The following PRKG1 variants were observed in gnomAD, a reference collection of about 807,000 sequenced individuals.
PRKG1 encodes protein kinase cGMP-dependent 1, also known as cGMP-dependent protein kinase 1.
PRKG1 carries 35 observed loss-of-function variants against 88.1 expected under a neutral mutation model. The ratio of observed to expected loss-of-function variants is 0.40; its 90% CI spans 0.30 to 0.53. The LOEUF (loss-of-function observed/expected upper bound fraction) is 0.53. Ranked by LOEUF, PRKG1 falls within the 20% of genes least tolerant of loss-of-function variation. The probability of loss-of-function intolerance (pLI) is 0.59; values close to 1 mark genes in which losing one functional copy is unlikely to be tolerated. For missense variants in PRKG1, 540 were observed against 839.8 expected (o/e 0.64, Z 4.41); for synonymous variants, 303 against 292.5 (o/e 1.04, Z -0.37).
At chr10:51,927,818 A>C (rs1842612147) in intron 5 of PRKG1, among the ~76,000 whole-genome samples, 1 of 152,140 alleles carries the variant, frequency 6.6e-6, no homozygotes, top group African/African-American at 2.4e-5. Context: ...TGTTATTCTA[A>C]AATTTTGGCA....
chr10:51,787,665 C>A (rs1838762433), intron 3 of PRKG1, among the ~76,000 whole-genome samples: 1 of 152,144 alleles, frequency 6.6e-6, no homozygotes, highest in African/African-American at 2.4e-5. Flanking sequence ...ATTTGACTAT[C>A]CCTGGTCTGC....
At chr10:52,111,071 G>A (rs765278582) in intron 7 of PRKG1, among the ~76,000 whole-genome samples, 10 of 152,076 alleles carry the variant, frequency 6.6e-5, no homozygotes, top group Non-Finnish European at 1.3e-4. Context: ...CATTTTTACC[G>A]ATAGGTAAAT....
rs373395975 is a variant in PRKG1, at chr10:52,148,689, G to A, written c.1002-13200G>A. On this transcript the variant is annotated intron_variant, in intron 8 of 17. Coordinates refer to ENST00000373980, the MANE Select transcript of PRKG1 (RefSeq NM_006258.4). Reference sequence around the variant, plus strand: ...AGCCCCTTAGTGGAGTGCCATGAGCGTCTATTGCATGACTGCAACCAGGGA... The same window carrying A: ...AGCCCCTTAGTGGAGTGCCATGAGCATCTATTGCATGACTGCAACCAGGGA... Among the ~76,000 whole-genome samples, 14 of 152,236 alleles carry A rather than the reference G, an allele frequency of 9.2e-5. No homozygotes were observed. The East Asian group carries it at 2.1e-3, about 23-fold the overall frequency.
chr10:51,978,436 CTTTTT>C (rs34946662), intron 5 of PRKG1, among the ~76,000 whole-genome samples: 5 of 134,312 alleles, frequency 3.7e-5, no homozygotes, highest in Admixed American at 7.3e-5. Flanking sequence ...CATTCGGGCT[CTTTTT>C]TTTTTTTTTT....
chr10:51,365,383 G>T (rs1842567881), intron 2 of PRKG1, among the ~76,000 whole-genome samples: 1 of 151,848 alleles, frequency 6.6e-6, no homozygotes, highest in Admixed American at 6.6e-5. Flanking sequence ...CCTGCACAAG[G>T]AATCAAATTA....
intron 3 of PRKG1, among the ~76,000 whole-genome samples, chr10:51,524,410 T>G (rs1841822977): frequency 6.6e-6 from 1 of 152,204 alleles, no homozygotes; most frequent in Non-Finnish European, 1.5e-5. Flanking sequence ...GTTGGAACTA[T>G]TCAAAACTGC....
rs575941182 is a variant in PRKG1 at position 52,164,711 on chromosome 10, A to T, written c.1076+2748A>T. ...ATTGCTATTTGAAACCATTGATTTG[A>T]TAGATTATAATATAGCCATTATGTT... On this transcript the variant is annotated intron_variant, in intron 9 of 17. Transcript: ENST00000373980. 1.2e-4 allele frequency among the ~76,000 whole-genome samples: 19 copies of T among 152,324 alleles called. No homozygotes were observed. In the South Asian group the frequency reaches 3.9e-3, roughly 32 times the overall value.
rs548003667 is a variant in PRKG1, at chr10:51,532,218, C to A, written c.592+64382C>A. On this transcript the variant is annotated intron_variant, in intron 3 of 17. Coordinates refer to ENST00000373980, the MANE Select transcript of PRKG1 (RefSeq NM_006258.4). ...CCTTAGTTCATACGCTATCTATAGG[C>A]GACTATTGTTTCAGTGGGTTGTGGT... Among the ~76,000 whole-genome samples, 44 of 152,192 alleles carry A rather than the reference C, an allele frequency of 2.9e-4. 1 individual carries two copies. The highest frequency in any genetic ancestry group is 7.9e-4 in the Admixed American group (12 of 15,286).
chr10:51,877,040 C>T (rs12765057), intron 4 of PRKG1, among the ~76,000 whole-genome samples: 10,024 of 152,180 alleles, frequency 0.066, 471 homozygotes, highest in African/African-American at 0.12. Flanking sequence ...TCTGGGAGAA[C>T]CCCACATAAA....
At chr10:51,735,498 T>C (rs1282767148) in intron 3 of PRKG1, among the ~76,000 whole-genome samples, 1 of 152,052 alleles carries the variant, frequency 6.6e-6, no homozygotes, top group Non-Finnish European at 1.5e-5. Context: ...ATGAGGACAT[T>C]TGGATACCAA....
intron 9 of PRKG1, among the ~76,000 whole-genome samples, chr10:52,167,861 T>A (rs1838531597): frequency 6.6e-6 from 1 of 152,214 alleles, no homozygotes; most frequent in African/African-American, 2.4e-5. Context: ...GTAAATGCAC[T>A]TAGTTTTTAT....
At chr10:51,669,307 G>A (rs377385923) in intron 3 of PRKG1, among the ~76,000 whole-genome samples, 1 of 152,258 alleles carries the variant, frequency 6.6e-6, no homozygotes, top group East Asian at 1.9e-4. Flanking sequence ...TCTTCCTATG[G>A]TGAAAAGGGA....
intron 9 of PRKG1, among the ~76,000 whole-genome samples, chr10:52,216,505 G>T (rs1407647834): frequency 6.6e-6 from 1 of 152,132 alleles, no homozygotes; most frequent in East Asian, 1.9e-4. Flanking sequence ...ATCCAAAATA[G>T]AAAAATACCT....
intron 4 of PRKG1, among the ~76,000 whole-genome samples, chr10:51,837,402 C>G (rs1265377392): frequency 3.3e-5 from 5 of 152,120 alleles, no homozygotes; most frequent in African/African-American, 1.2e-4. Context: ...GTTTCAGATA[C>G]TTTATGTTCT....
chr10:51,773,457 T>G (rs1838356282), intron 3 of PRKG1, among the ~76,000 whole-genome samples: 2 of 152,100 alleles, frequency 1.3e-5, no homozygotes, highest in Admixed American at 1.3e-4. Flanking sequence ...AGGAAGTTTG[T>G]GACTGTAATT....
In PRKG1 at chr10:51,170,740, G is replaced by A. The variant is rs1370191788; in HGVS notation, c.478+17410G>A. Among the ~76,000 whole-genome samples, 4 of 145,240 alleles carry A rather than the reference G, an allele frequency of 2.8e-5. No homozygotes were observed. The Admixed American group carries it at 2.8e-4, about 10-fold the overall frequency. ...AGCAGTATGGAAGCCAGTGTGGCATGAGTGGGGTGAGTCATTGCAGGGGTG... is the reference window on the plus strand; with the variant it reads ...AGCAGTATGGAAGCCAGTGTGGCATAAGTGGGGTGAGTCATTGCAGGGGTG... On this transcript the variant is annotated intron_variant, in intron 2 of 17. Coordinates refer to ENST00000373980, the MANE Select transcript of PRKG1 (RefSeq NM_006258.4).
chr10:51,888,138 G>A (rs569831039), intron 4 of PRKG1, among the ~76,000 whole-genome samples: 15 of 152,016 alleles, frequency 9.9e-5, no homozygotes, highest in Admixed American at 4.6e-4. Flanking sequence ...ATGGGTATAG[G>A]CTTATGGCCC....
At chr10:51,616,205 T>G (rs1402871950) in intron 3 of PRKG1, among the ~76,000 whole-genome samples, 1 of 152,238 alleles carries the variant, frequency 6.6e-6, no homozygotes, top group Non-Finnish European at 1.5e-5. Flanking sequence ...TGGCAGTGAT[T>G]GGCTGAGTAT....
chr10:51,084,249 T>C (rs1844190400), intron 1 of PRKG1, among the ~76,000 whole-genome samples: 1 of 152,082 alleles, frequency 6.6e-6, no homozygotes. Context: ...TAAGAGGAAT[T>C]AGAAACAATG....
Sources: allele counts gnomAD v4.1 joint callset (sites outside exome capture counted in the v4.1 genomes callset), GRCh38; gene constraint gnomAD v4.1.1; transcripts MANE v1.5; gene names NCBI Gene and HGNC (gene_info 2026-07-23, HGNC 2026-07-21).